CNTNAP4: variants seen among roughly 807,000 people sequenced by gnomAD.
CNTNAP4 encodes contactin associated protein family member 4, also known as contactin-associated protein-like 4.
Under a neutral mutation model 148.4 loss-of-function variants are expected in CNTNAP4, and 98 were observed. The observed-to-expected ratio is 0.66, with a 90% CI of 0.56 to 0.78. The LOEUF is 0.78. CNTNAP4 is among the 30% of genes least tolerant of loss of function. CNTNAP4 has a pLI of 0.00. For synonymous variants in CNTNAP4, 730 were observed against 565.1 expected (o/e 1.29, Z -4.14); for missense variants, 1,935 against 1,565.6 (o/e 1.24, Z -3.98).
At chr16:76,399,105 G>T (rs566784776) in intron 3 of CNTNAP4, among the ~76,000 whole-genome samples, 1 of 152,268 alleles carries the variant, frequency 6.6e-6, no homozygotes, top group East Asian at 1.9e-4. Context: ...TCCTTTGCCT[G>T]CTGCCATGAT....
intron 16 of CNTNAP4, 124 bp downstream of exon 16, chr16:76,521,434 A>G: frequency 1.5e-6 from 1 of 687,194 alleles, no homozygotes; most frequent in Non-Finnish European, 2.3e-6. Context: ...GCCCCTTTGA[A>G]AAACTCAATA....
intron 8 of CNTNAP4, among the ~76,000 whole-genome samples, chr16:76,457,233 A>G (rs991568857): frequency 6.6e-6 from 1 of 152,260 alleles, no homozygotes; most frequent in East Asian, 1.9e-4. Context: ...GTATAGCTAC[A>G]AAACAATTAG....
At chr16:76,313,615 C>G (rs1666915284) in intron 1 of CNTNAP4, among the ~76,000 whole-genome samples, 2 of 152,154 alleles carry the variant, frequency 1.3e-5, no homozygotes, top group Non-Finnish European at 2.9e-5. Context: ...CATGCAGGAA[C>G]TGTCTGTCAT....
chr16:76,344,520 C>T (rs370235185), intron 2 of CNTNAP4, among the ~76,000 whole-genome samples: 91 of 150,794 alleles, frequency 6.0e-4, no homozygotes, highest in Admixed American at 1.5e-3. Context: ...AGTACTACTA[C>T]GGTGTATTAA....
intron 3 of CNTNAP4, among the ~76,000 whole-genome samples, chr16:76,371,057 G>T (rs28669223): frequency 0.025 from 3,805 of 152,150 alleles, 131 homozygotes; most frequent in African/African-American, 0.085. Context: ...CCACATAATC[G>T]ACACTGAGTA....
intron 1 of CNTNAP4, among the ~76,000 whole-genome samples, chr16:76,292,534 TA>T (rs146703620): frequency 0.052 from 7,963 of 152,232 alleles, 484 homozygotes; most frequent in East Asian, 0.19. Context: ...TGGCCTCTGA[TA>T]GGCTGCTGCA....
intron 23 of CNTNAP4, chr16:76,558,068 T>G (rs1304007768): frequency 6.5e-6 from 1 of 153,398 alleles, no homozygotes; most frequent in African/African-American, 2.4e-5. Context: ...AACAATTGAA[T>G]AACAATTTCA....
intron 21 of CNTNAP4, among the ~76,000 whole-genome samples, chr16:76,551,520 A>T (rs2084952470): frequency 6.6e-6 from 1 of 152,076 alleles, no homozygotes; most frequent in Non-Finnish European, 1.5e-5. Context: ...CTGAAAGCAG[A>T]GTAAAGGAAA....
chr16:76,399,643 C>T (rs1411165166), intron 3 of CNTNAP4, among the ~76,000 whole-genome samples: 2 of 152,112 alleles, frequency 1.3e-5, no homozygotes, highest in African/African-American at 2.4e-5. Flanking sequence ...GTATCTTTTG[C>T]ATTTCCTTTT....
chr16:76,543,089 C>G (rs977928955), intron 21 of CNTNAP4, among the ~76,000 whole-genome samples: 1 of 152,088 alleles, frequency 6.6e-6, no homozygotes, highest in South Asian at 2.1e-4. Context: ...TCAAGAGTTG[C>G]ATATTATCCA....
At chr16:76,316,655 CATG>C in intron 2 of CNTNAP4, 132 bp downstream of exon 2, 1 of 653,622 alleles carries the variant, frequency 1.5e-6, no homozygotes, top group South Asian at 1.8e-5. Flanking sequence ...GGTTAAAACT[CATG>C]AGATGTATAT....
At chr16:76,498,962 G>C (rs953959679) in intron 15 of CNTNAP4, among the ~76,000 whole-genome samples, 5 of 151,900 alleles carry the variant, frequency 3.3e-5, no homozygotes, top group Non-Finnish European at 7.4e-5. Flanking sequence ...GAAAAGATGA[G>C]TTTTAGTGAT....
rs775237229 is a variant in CNTNAP4 at position 76,379,227 on chromosome 16, C to A, written c.390+23716C>A. ...ACATGGGAAATGGGAGGAAAGAATG[C>A]GAGAGAATCATGGTTGTTGGCTGTG... On this transcript the variant is annotated intron_variant, in intron 3 of 23. Coordinates refer to ENST00000611870, the MANE Select transcript of CNTNAP4 (RefSeq NM_033401.5). Among the ~76,000 whole-genome samples the A allele has an allele frequency of 1.5e-3, 231 of 152,114 alleles. 1 individual carries two copies. The highest frequency in any genetic ancestry group is 5.2e-3 in the African/African-American group (214 of 41,510).
At chr16:76,517,346 A>T (rs1393261516) in intron 15 of CNTNAP4, among the ~76,000 whole-genome samples, 3 of 152,172 alleles carry the variant, frequency 2.0e-5, no homozygotes, top group Non-Finnish European at 4.4e-5. Context: ...AGGTATGATC[A>T]TGGGGGAAAC....
chr16:76,515,850 T>C (rs972192931), intron 15 of CNTNAP4, among the ~76,000 whole-genome samples: 6 of 152,010 alleles, frequency 3.9e-5, no homozygotes, highest in East Asian at 1.9e-4. Flanking sequence ...TATTGAGAAA[T>C]TGGATCACTC....
At chr16:76,476,170 C>G (rs1425300492) in intron 11 of CNTNAP4, 125 bp downstream of exon 11, 1 of 606,576 alleles carries the variant, frequency 1.6e-6, no homozygotes, top group South Asian at 2.4e-5. Flanking sequence ...TAATCCACAT[C>G]TCATTTCATA....
intron 18 of CNTNAP4, 79 bp downstream of exon 18, chr16:76,535,863 C>A: frequency 6.9e-7 from 1 of 1,442,748 alleles, no homozygotes; most frequent in South Asian, 1.4e-5. Flanking sequence ...TTCTATGCAG[C>A]TATTTGAAAC....
chr16:76,545,656 C>G (rs2084686979), intron 21 of CNTNAP4, among the ~76,000 whole-genome samples: 2 of 152,128 alleles, frequency 1.3e-5, no homozygotes, highest in South Asian at 4.1e-4. Context: ...TGCCTCAAAT[C>G]TACAAACCTT....
chr16:76,378,571 T>A (rs8052056), intron 3 of CNTNAP4, among the ~76,000 whole-genome samples: 25,010 of 152,158 alleles, frequency 0.16, 2,642 homozygotes, highest in East Asian at 0.45. Context: ...GGTTTAGAAA[T>A]GGACAGACAA....
Sources: allele counts gnomAD v4.1 joint callset (sites outside exome capture counted in the v4.1 genomes callset), GRCh38; gene constraint gnomAD v4.1.1; transcripts MANE v1.5; gene names NCBI Gene and HGNC (gene_info 2026-07-23, HGNC 2026-07-21).